Variants in SLC38A4 observed in about 807,000 individuals in gnomAD.
The protein encoded by SLC38A4 is solute carrier family 38 member 4.
Under a neutral mutation model 63.1 loss-of-function variants are expected in SLC38A4, and 20 were observed. The ratio of observed to expected loss-of-function variants is 0.32; its 90% CI spans 0.22 to 0.46. SLC38A4 has a LOEUF of 0.46. Among genes scored for constraint, SLC38A4 ranks in the 20% least tolerant of loss-of-function variants. The pLI is 1.00. For synonymous variants in SLC38A4, 230 were observed against 225.5 expected, an observed-to-expected ratio of 1.02 and a Z score of -0.18; for missense variants, 526 against 663.6, an observed-to-expected ratio of 0.79 and a Z score of 2.28.
rs1212606211 is a variant in SLC38A4, at chr12:46,766,821, CTGTT to C, written c.1543-23_1543-20del. The C allele has an allele frequency of 1.3e-6, 2 of 1,530,844 alleles. No individual in the cohort carries two copies. The highest frequency in any genetic ancestry group is 1.8e-6 in the Non-Finnish European group (2 of 1,110,176). The allele number at this position is 1,530,844 out of a possible 1,614,324, so 94.8% of individuals were successfully genotyped here. A position where few individuals can be genotyped will look rare whatever the true frequency, so the allele number is the denominator to read the frequency against. On this transcript the variant is annotated intron_variant, in intron 16 of 16. Coordinates refer to ENST00000266579, the MANE Select transcript of SLC38A4 (RefSeq NM_018018.5). ...TTAAAGCCTGTAATTCAGAGAGACT[CTGTT>C]AGGAGCACAGAAACCATACTTAGTA...
At chr12:46,812,398 T>G (rs917368595) in intron 1 of SLC38A4, among the ~76,000 whole-genome samples, 2 of 152,050 alleles carry the variant, frequency 1.3e-5, no homozygotes, top group African/African-American at 4.8e-5. Flanking sequence ...TTTATCTACA[T>G]GAGAAGTCTT....
At chr12:46,823,687 C>T (rs981455166) in intron 1 of SLC38A4, among the ~76,000 whole-genome samples, 4 of 152,158 alleles carry the variant, frequency 2.6e-5, no homozygotes, top group African/African-American at 4.8e-5. Context: ...TGTGAAATTC[C>T]GAAACCTCAA....
At chr12:46,799,550 T>C (rs1412425924) in intron 2 of SLC38A4, among the ~76,000 whole-genome samples, 1 of 152,076 alleles carries the variant, frequency 6.6e-6, no homozygotes, top group Non-Finnish European at 1.5e-5. Flanking sequence ...TGAGCTGAGA[T>C]TGCACCACTG....
intron 1 of SLC38A4, among the ~76,000 whole-genome samples, chr12:46,810,756 A>G (rs983851006): frequency 2.3e-4 from 35 of 152,130 alleles, no homozygotes; most frequent in African/African-American, 8.2e-4. Flanking sequence ...ATAATTAGAA[A>G]CAAAAGCAAC....
chr12:46,812,078 T>C (rs1449429559), intron 1 of SLC38A4, among the ~76,000 whole-genome samples: 1 of 152,058 alleles, frequency 6.6e-6, no homozygotes, highest in East Asian at 1.9e-4. Context: ...TTTCCAGTAA[T>C]ATTAATTAAT....
chr12:46,816,291 G>T (rs1939440512), intron 1 of SLC38A4, among the ~76,000 whole-genome samples: 1 of 151,430 alleles, frequency 6.6e-6, no homozygotes, highest in Admixed American at 6.6e-5. Flanking sequence ...AATCTTAAAG[G>T]GTAATATTTG....
intron 1 of SLC38A4, among the ~76,000 whole-genome samples, chr12:46,805,552 C>G (rs1939214080): frequency 6.6e-6 from 1 of 151,980 alleles, no homozygotes; most frequent in Admixed American, 6.6e-5. Flanking sequence ...CAGACTTAAT[C>G]ATTATAATTA....
chr12:46,777,455 C>T (rs1036173520), intron 12 of SLC38A4, among the ~76,000 whole-genome samples: 7 of 151,910 alleles, frequency 4.6e-5, no homozygotes, highest in African/African-American at 1.7e-4. Flanking sequence ...AACCTGGCTG[C>T]CAAAGATCAA....
intron 12 of SLC38A4, 29 bp from the exon 13 acceptor site, chr12:46,777,033 T>A (rs1938542776): frequency 6.5e-7 from 1 of 1,546,538 alleles, no homozygotes; most frequent in Admixed American, 1.9e-5. Flanking sequence ...CCAAGCTTTG[T>A]TTTTTAAACT....
chr12:46,785,108 T>A lies in SLC38A4; in HGVS notation c.396A>T (p.Glu132Asp). Residue 132 changes from glutamate (E) to aspartate (D), a missense_variant, in exon 6 of 17, where the codon GAA becomes GAT. Coordinates refer to ENST00000266579, the MANE Select transcript of SLC38A4 (RefSeq NM_018018.5). ...SVHLLLKTAKEGGSLIYEKLG... is the reference protein window; with the variant it reads ...SVHLLLKTAKDGGSLIYEKLG... ...TGGACTCAAGTGGTAGCATACCTCCTTCCTTGGCTGTTTTTAATAAAAGGT... is the reference window on the plus strand; with the variant it reads ...TGGACTCAAGTGGTAGCATACCTCCATCCTTGGCTGTTTTTAATAAAAGGT... 1 of 1,611,436 alleles carries A rather than the reference T, an allele frequency of 6.2e-7. No individual in the cohort carries two copies.
At position 46,769,414 on chromosome 12, in the gene SLC38A4, C is replaced by A. The variant is rs767007882; in HGVS notation, c.1314G>T (p.Val438=). 1 of 1,612,834 alleles carries A rather than the reference C, an allele frequency of 6.2e-7. No individual in the cohort carries two copies. Residue 438 remains valine (V), a synonymous_variant, in exon 15 of 17, where the codon GTG becomes GTT. Transcript: ENST00000266579. The part of the protein sequence containing the change: ...PIVLFPIRTS[V]ITLLFPKRPF... The stretch of plus-strand genomic sequence containing the variant: ...GTCGTTTGGGAAATAACAGTGTGAT[C>A]ACTGATGTACGAATCTTAAACAAGA...
intron 1 of SLC38A4, among the ~76,000 whole-genome samples, chr12:46,816,475 T>C (rs1340787039): frequency 2.0e-5 from 3 of 151,936 alleles, no homozygotes; most frequent in Admixed American, 2.0e-4. Context: ...CTCAAAAAAC[T>C]TTAAAAAACA....
intron 1 of SLC38A4, among the ~76,000 whole-genome samples, chr12:46,819,019 G>A (rs57169663): frequency 6.6e-6 from 1 of 151,504 alleles, no homozygotes; most frequent in East Asian, 2.0e-4. Flanking sequence ...ATGACAATTT[G>A]CAATTTAAAA....
chr12:46,798,302 GT>G (rs1939058644), intron 2 of SLC38A4, among the ~76,000 whole-genome samples: 1 of 152,038 alleles, frequency 6.6e-6, no homozygotes, highest in Non-Finnish European at 1.5e-5. Flanking sequence ...CACCTCTCTG[GT>G]CTCATCTCCG....
At chr12:46,791,300 A>C (rs1033299499) in intron 3 of SLC38A4, among the ~76,000 whole-genome samples, 2 of 152,188 alleles carry the variant, frequency 1.3e-5, no homozygotes, top group Non-Finnish European at 2.9e-5. Flanking sequence ...TTGAAGCTCA[A>C]AGAGGACAAA....
At chr12:46,792,415 T>C (rs1215963263) in intron 3 of SLC38A4, among the ~76,000 whole-genome samples, 1 of 152,000 alleles carries the variant, frequency 6.6e-6, no homozygotes, top group African/African-American at 2.4e-5. Context: ...GAGGGAAAGA[T>C]AGGAGTTCAG....
Position 46,831,775 on chromosome 12 carries a change from A to C in SLC38A4, c.-108+552T>G, listed in dbSNP as rs573367678. Among the ~76,000 whole-genome samples, 3 of 151,020 alleles carry C rather than the reference A, an allele frequency of 2.0e-5. No homozygotes were observed. In the East Asian group the frequency reaches 5.8e-4, roughly 29 times the overall value. On this transcript the variant is annotated intron_variant, in intron 1 of 6. Transcript: ENST00000546940. ...GACCTGAGGACGCGGGCGCGGGTCCAGGGACTCGGGTAACACCTTGCCAGC... is the reference window on the plus strand; with the variant it reads ...GACCTGAGGACGCGGGCGCGGGTCCCGGGACTCGGGTAACACCTTGCCAGC...
chr12:46,780,588 A>T (rs1003449047), intron 7 of SLC38A4, among the ~76,000 whole-genome samples: 18 of 143,606 alleles, frequency 1.3e-4, no homozygotes, highest in African/African-American at 4.5e-4. Context: ...GCTTCTCTCC[A>T]TCTTTGTCAA....
intron 14 of SLC38A4, among the ~76,000 whole-genome samples, chr12:46,772,723 A>G (rs1027926056): frequency 1.3e-5 from 2 of 152,166 alleles, no homozygotes; most frequent in Non-Finnish European, 2.9e-5. Flanking sequence ...TGAAGTAGAG[A>G]AAAACAAACC....
Sources: allele counts gnomAD v4.1 joint callset (sites outside exome capture counted in the v4.1 genomes callset), GRCh38; gene constraint gnomAD v4.1.1; transcripts MANE v1.5; gene names NCBI Gene and HGNC (gene_info 2026-07-23, HGNC 2026-07-21).